The following HTR5A variants were observed in gnomAD, a reference collection of about 807,000 sequenced individuals.
HTR5A encodes 5-hydroxytryptamine receptor 5A, also known as 5-HT-5.
Under a neutral mutation model 24.3 loss-of-function variants are expected in HTR5A, and 21 were observed. The observed-to-expected ratio is 0.86, with a 90% confidence interval of 0.61 to 1.24. The LOEUF is 1.24. HTR5A is among the 50% of genes most tolerant of loss of function. The pLI is 0.00. For synonymous variants in HTR5A, 260 were observed against 213.7 expected, an observed-to-expected ratio of 1.22 and a Z score of -1.89; for missense variants, 497 against 489.5, an observed-to-expected ratio of 1.02 and a Z score of -0.15.
At chr7:155,080,862 T>G (rs1795409109) in intron 1 of HTR5A, among the ~76,000 whole-genome samples, 1 of 152,176 alleles carries the variant, frequency 6.6e-6, no homozygotes, top group East Asian at 1.9e-4. Context: ...TCTGCTGGAA[T>G]GGGGTTTTCT....
chr7:155,073,199 T>C (rs1795316753), intron 1 of HTR5A, among the ~76,000 whole-genome samples: 1 of 151,652 alleles, frequency 6.6e-6, no homozygotes, highest in South Asian at 2.1e-4. Context: ...CAGGCGCCTG[T>C]AGTCCCAGCT....
Position 155,071,427 on chromosome 7 carries a change from G to A in HTR5A, c.528G>A (p.Pro176=), listed in dbSNP as rs1172949609. Residue 176 remains proline, a synonymous_variant, in exon 1 of 2, where the codon CCG becomes CCA. Transcript: ENST00000287907. ...WALSAVISLA[P]LLFGWGETYS... Reference sequence around the variant, plus strand: ...TCTCCGCTGTCATCTCTCTGGCCCCGCTGCTTTTTGGCTGGGGAGAGACGT... The same window carrying A: ...TCTCCGCTGTCATCTCTCTGGCCCCACTGCTTTTTGGCTGGGGAGAGACGT... The A allele has an allele frequency of 6.2e-6, 10 of 1,614,158 alleles. No individual in the cohort carries two copies. The highest frequency in any genetic ancestry group is 7.6e-6 in the Non-Finnish European group (9 of 1,180,038).
intron 1 of HTR5A, among the ~76,000 whole-genome samples, chr7:155,078,093 G>T (rs1396529905): frequency 6.6e-6 from 1 of 152,024 alleles, no homozygotes; most frequent in East Asian, 1.9e-4. Flanking sequence ...TCTTTCAAGG[G>T]TCCTCCTGCT....
intron 1 of HTR5A, among the ~76,000 whole-genome samples, chr7:155,081,565 TTAAC>T (rs1795418318): frequency 6.6e-6 from 1 of 152,248 alleles, no homozygotes; most frequent in Non-Finnish European, 1.5e-5. Context: ...TTAATTTGGC[TTAAC>T]TATTCACTTT....
chr7:155,074,753 A>G (rs1795342525), intron 1 of HTR5A: 1 of 152,240 alleles, frequency 6.6e-6, no homozygotes, highest in Admixed American at 6.5e-5. Flanking sequence ...TACCAATGAT[A>G]CTGAAGCTAT....
rs529371567 is a variant in HTR5A, at chr7:155,070,877, C to A, written c.-23C>A. The A allele has an allele frequency of 1.3e-6, 2 of 1,582,570 alleles. No homozygotes were observed. Among genetic ancestry groups the A allele is most frequent in the South Asian group, 2.3e-5 (2 of 88,152 alleles). On this transcript the variant is annotated 5_prime_UTR_variant, in exon 1 of 2. Transcript: ENST00000287907. The stretch of plus-strand genomic sequence containing the variant: ...CTGAACACCCCTTCTGCAAGTACCC[C>A]AGGGCGGTCTCCTGACCCAGAGATG...
In HTR5A at chr7:155,073,864, T is replaced by TATATATATATATATAC. The variant is rs1563419431; in HGVS notation, c.741+2224_741+2225insATATATATATATATAC. Among the ~76,000 whole-genome samples, 168 of 71,420 alleles carry TATATATATATATATAC rather than the reference T, an allele frequency of 2.4e-3. 2 individuals carry two copies. The highest frequency in any genetic ancestry group is 8.4e-3 in the African/African-American group (157 of 18,796). 46.9% of individuals were successfully genotyped at this position (71,420 alleles called of 152,430 possible). A position where few individuals can be genotyped will look rare whatever the true frequency, so the allele number is the denominator to read the frequency against. On this transcript the variant is annotated intron_variant, in intron 1 of 1. Coordinates refer to ENST00000287907, the MANE Select transcript of HTR5A (RefSeq NM_024012.4). ...ACATATATATACATATGTGTGTGTG[T>TATATATATATATATAC]GTATATATATATGTATATATATATG...
intron 1 of HTR5A, among the ~76,000 whole-genome samples, chr7:155,080,225 C>A (rs887682954): frequency 5.3e-5 from 8 of 152,324 alleles, no homozygotes; most frequent in Admixed American, 1.3e-4. Flanking sequence ...ACCTTCATGG[C>A]AAGAGGTTTA....
intron 1 of HTR5A, among the ~76,000 whole-genome samples, chr7:155,081,104 G>T (rs377613142): frequency 1.3e-5 from 2 of 152,156 alleles, no homozygotes; most frequent in African/African-American, 2.4e-5. Flanking sequence ...TCATACCCTC[G>T]TGGAGGCTTC....
chr7:155,076,818 G>A (rs898760464), intron 1 of HTR5A, among the ~76,000 whole-genome samples: 13 of 152,194 alleles, frequency 8.5e-5, no homozygotes, highest in African/African-American at 2.7e-4. Flanking sequence ...AATACCAAAT[G>A]TTCTGAAGAT....
rs1301829411 is a variant in HTR5A, at chr7:155,076,628, T to G, written c.741+4988T>G. On this transcript the variant is annotated intron_variant, in intron 1 of 1. Transcript: ENST00000287907. ...AGCCAGGACACTTTAATTATAGAAA[T>G]GCAGTTATGGGATTCCCCTTCCTTG... Among the ~76,000 whole-genome samples, 4 of 152,218 alleles carry G rather than the reference T, an allele frequency of 2.6e-5. No individual in the cohort carries two copies. The East Asian group carries it at 7.7e-4, about 29-fold the overall frequency.
In HTR5A at chr7:155,087,124, C is replaced by A. The variant is rs1228391139; in HGVS notation, c.*2637C>A. ...TGAGTGATCTTAGCCCTCTTGAGGT[C>A]ACTATCAGTTTTATATTTTCATTGT... On this transcript the variant is annotated 3_prime_UTR_variant, in exon 2 of 2. Transcript: ENST00000287907. Among the ~76,000 whole-genome samples, 1 of 152,106 alleles carries A rather than the reference C, an allele frequency of 6.6e-6. No homozygotes were observed. Among genetic ancestry groups the A allele is most frequent in the African/African-American group, 2.4e-5 (1 of 41,424 alleles).
At chr7:155,073,906 T>TATATATAC (rs1795331907) in intron 1 of HTR5A, among the ~76,000 whole-genome samples, 1 of 142,860 alleles carries the variant, frequency 7.0e-6, no homozygotes, top group African/African-American at 2.6e-5. Flanking sequence ...TATATATATA[T>TATATATAC]ATATATATAT....
At chr7:155,074,917 C>T (rs548380482) in intron 1 of HTR5A, among the ~76,000 whole-genome samples, 2 of 152,282 alleles carry the variant, frequency 1.3e-5, no homozygotes, top group South Asian at 4.2e-4. Context: ...ATTTGCCAAA[C>T]AGTACACCTT....
rs763385212 is a variant in HTR5A, at chr7:155,070,957, A to G, written c.58A>G (p.Thr20Ala). ...FSLSTPSPLE[T>A]NHSLGKDDLR... ...CCTCTCCACCCCCTCCCCTTTGGAG[A>G]CCAACCACAGCCTCGGCAAAGACGA... is the stretch of plus-strand genomic sequence containing the variant. The change falls in exon 1 of 2, where the codon ACC (threonine) becomes GCC (alanine). Residue 20 changes from threonine to alanine, a missense_variant. Thr to Ala is a moderately conservative substitution (Grantham distance 58, BLOSUM62 0). Coordinates refer to ENST00000287907, the MANE Select transcript of HTR5A (RefSeq NM_024012.4). The G allele has an allele frequency of 1.6e-5, 25 of 1,609,950 alleles. No homozygotes were observed. The highest frequency in any genetic ancestry group is 2.7e-5 in the African/African-American group (2 of 74,838).
Position 155,071,514 on chromosome 7 carries a change from C to T in HTR5A, c.615C>T (p.Thr205=), listed in dbSNP as rs1183030148. ...AGCCTTCCTACGCCGTGTTCTCCAC[C>T]GTAGGCGCCTTCTACCTGCCGCTCT... ...SREPSYAVFS[T]VGAFYLPLCV... is the part of the protein sequence containing the mutation. The change falls in exon 1 of 2, where the codon ACC becomes ACT. Residue 205 remains threonine (T), a synonymous_variant. Transcript: ENST00000287907. The T allele has an allele frequency of 5.0e-6, 8 of 1,614,086 alleles. No homozygotes were observed. The highest frequency in any genetic ancestry group is 6.8e-6 in the Non-Finnish European group (8 of 1,180,052).
intron 1 of HTR5A, among the ~76,000 whole-genome samples, chr7:155,075,807 T>C (rs980840118): frequency 1.3e-5 from 2 of 152,126 alleles, no homozygotes; most frequent in African/African-American, 4.8e-5. Flanking sequence ...CTATATAATA[T>C]TTTATGTCAG....
At chr7:155,083,385 C>T (rs1479623836) in intron 1 of HTR5A, among the ~76,000 whole-genome samples, 1 of 152,120 alleles carries the variant, frequency 6.6e-6, no homozygotes, top group Non-Finnish European at 1.5e-5. Context: ...ATTTAGGCTG[C>T]CTCATCAGTA....
rs1420824538 is a variant in HTR5A, at chr7:155,071,610, T to C, written c.711T>C (p.Asn237=). 2.5e-6 allele frequency: 4 copies of C among 1,614,122 alleles called. No homozygotes were observed. Among genetic ancestry groups the C allele is most frequent in the East Asian group, 4.5e-5 (2 of 44,878 alleles). The part of the protein sequence containing the change: ...AKFRVGSRKT[N]SVSPISEAVE... ...TCCGCGTGGGCTCCAGGAAGACCAATAGCGTCTCACCCATATCCGAAGCTG... is the reference window on the plus strand; with the variant it reads ...TCCGCGTGGGCTCCAGGAAGACCAACAGCGTCTCACCCATATCCGAAGCTG... Residue 237 remains asparagine (N), a synonymous_variant, in exon 1 of 2, where the codon AAT becomes AAC. Transcript: ENST00000287907.
Sources: gnomAD v4.1 joint callset for allele counts (sites outside exome capture counted in the v4.1 genomes callset) on GRCh38, gnomAD v4.1.1 for gene constraint, MANE v1.5 for transcripts, NCBI Gene and HGNC (gene_info 2026-07-23, HGNC 2026-07-21) for gene names.